The following CDH8 variants were observed in gnomAD, a reference collection of about 807,000 sequenced individuals.
CDH8 encodes the protein cadherin 8, also known as cadherin-8.
In CDH8, 17 loss-of-function variants were observed where a neutral mutation model predicts 68.1. That is an observed-to-expected ratio of 0.25 (90% confidence interval 0.17 to 0.37). The LOEUF is 0.37. CDH8 is among the 10% of genes least tolerant of loss of function. The pLI is 1.00. For missense variants in CDH8, 763 were observed against 999.3 expected (o/e 0.76, Z 3.19); for synonymous variants, 372 against 365.1 (o/e 1.02, Z -0.21).
intron 8 of CDH8, among the ~76,000 whole-genome samples, chr16:61,758,957 G>A (rs1304387214): frequency 1.3e-5 from 2 of 152,074 alleles, no homozygotes; most frequent in Non-Finnish European, 2.9e-5. Flanking sequence ...ACGCCATTGA[G>A]CAGTAGGATA....
chr16:61,759,855 A>T (rs575330761), intron 8 of CDH8, among the ~76,000 whole-genome samples: 1 of 152,228 alleles, frequency 6.6e-6, no homozygotes, highest in East Asian at 1.9e-4. Flanking sequence ...GGGCTCTCTT[A>T]CTGAATAAGT....
chr16:61,715,999 A>T (rs533630771), intron 9 of CDH8, among the ~76,000 whole-genome samples: 1 of 151,828 alleles, frequency 6.6e-6, no homozygotes, highest in East Asian at 1.9e-4. Context: ...CAAATGTAGC[A>T]GCTCCTTCTC....
At chr16:61,673,397 C>T (rs1963835829) in intron 10 of CDH8, among the ~76,000 whole-genome samples, 1 of 152,030 alleles carries the variant, frequency 6.6e-6, no homozygotes, top group Admixed American at 6.6e-5. Flanking sequence ...CATTAAAGAG[C>T]TTACTTCTTT....
At chr16:61,962,997 A>C (rs534980077) in intron 2 of CDH8, among the ~76,000 whole-genome samples, 9 of 152,274 alleles carry the variant, frequency 5.9e-5, no homozygotes, top group African/African-American at 9.6e-5. Flanking sequence ...ACTATGCACC[A>C]TTCCATGGAA....
chr16:61,727,722 A>G (rs952313480), intron 8 of CDH8, among the ~76,000 whole-genome samples: 1 of 151,106 alleles, frequency 6.6e-6, no homozygotes, highest in East Asian at 1.9e-4. Context: ...ATGAAATATC[A>G]TATATTTTAT....
At chr16:61,903,137 A>G (rs2143276649) in intron 2 of CDH8, among the ~76,000 whole-genome samples, 1 of 152,362 alleles carries the variant, frequency 6.6e-6, no homozygotes, top group Non-Finnish European at 1.5e-5. Flanking sequence ...TAATTAACAA[A>G]TAAACTATTA....
intron 1 of CDH8, 70 bp from the exon 2 acceptor site, chr16:62,021,672 C>CA (rs1902079357): frequency 1.2e-6 from 1 of 842,632 alleles, no homozygotes; most frequent in Non-Finnish European, 1.6e-6. Context: ...CACTGCTTTT[C>CA]AAAAGCACCT....
chr16:61,878,617 T>C (rs1396562741), intron 3 of CDH8, among the ~76,000 whole-genome samples: 1 of 152,174 alleles, frequency 6.6e-6, no homozygotes, highest in Non-Finnish European at 1.5e-5. Context: ...ATGATGATAA[T>C]GATGTTGATA....
intron 7 of CDH8, among the ~76,000 whole-genome samples, chr16:61,808,797 C>T (rs1050389747): frequency 6.6e-5 from 10 of 152,156 alleles, no homozygotes; most frequent in Admixed American, 2.6e-4. Context: ...TTGTAAAGAA[C>T]GTATTTTAGG....
chr16:61,674,402 C>T (rs911810957), intron 10 of CDH8, among the ~76,000 whole-genome samples: 6 of 150,266 alleles, frequency 4.0e-5, no homozygotes, highest in Admixed American at 6.7e-5. Flanking sequence ...TACAGTGAGC[C>T]GAGATCGTGC....
At chr16:61,780,577 T>A (rs986508514) in intron 8 of CDH8, among the ~76,000 whole-genome samples, 2 of 152,384 alleles carry the variant, frequency 1.3e-5, no homozygotes, top group East Asian at 3.9e-4. Flanking sequence ...CTGGAATGAC[T>A]ATTTCTTTAT....
intron 10 of CDH8, among the ~76,000 whole-genome samples, chr16:61,694,588 T>C (rs1411053315): frequency 6.6e-6 from 1 of 151,838 alleles, no homozygotes; most frequent in Admixed American, 6.6e-5. Context: ...TCATATGGGG[T>C]GATGAGGTTT....
chr16:62,012,017 T>C (rs111927306), intron 2 of CDH8, among the ~76,000 whole-genome samples: 19 of 152,326 alleles, frequency 1.2e-4, no homozygotes, highest in African/African-American at 4.6e-4. Context: ...AAGGTGTGTA[T>C]GTGCATGCAG....
At chr16:61,907,260 T>A (rs1289241654) in intron 2 of CDH8, among the ~76,000 whole-genome samples, 3 of 152,110 alleles carry the variant, frequency 2.0e-5, no homozygotes, top group African/African-American at 7.2e-5. Flanking sequence ...TAGAATAAGA[T>A]GAGGATTGGG....
At chr16:61,815,137 A>G (rs1365083420) in intron 7 of CDH8, among the ~76,000 whole-genome samples, 1 of 152,284 alleles carries the variant, frequency 6.6e-6, no homozygotes, top group African/African-American at 2.4e-5. Context: ...TGTGTCATCA[A>G]ATAGTGCTTT....
At chr16:61,836,719 T>C (rs559533020) in intron 4 of CDH8, among the ~76,000 whole-genome samples, 4 of 151,914 alleles carry the variant, frequency 2.6e-5, no homozygotes, top group Middle Eastern at 3.4e-3. Context: ...CCCCTCAGAG[T>C]AGGACTCAGG....
chr16:61,845,516 A>C (rs1050282520), intron 4 of CDH8, among the ~76,000 whole-genome samples: 2 of 151,656 alleles, frequency 1.3e-5, no homozygotes, highest in Non-Finnish European at 2.9e-5. Context: ...AAAAAAAAAA[A>C]AAAAAACTAT....
At chr16:61,943,504 A>G (rs1160057396) in intron 2 of CDH8, among the ~76,000 whole-genome samples, 2 of 152,206 alleles carry the variant, frequency 1.3e-5, no homozygotes, top group Non-Finnish European at 2.9e-5. Context: ...TCATGTCAAA[A>G]TAGTATGGAG....
chr16:61,975,721 G>T (rs1019667091), intron 2 of CDH8, among the ~76,000 whole-genome samples: 1 of 152,132 alleles, frequency 6.6e-6, no homozygotes, highest in African/African-American at 2.4e-5. Flanking sequence ...TAGTAGAAAA[G>T]ATAGATCTGA....
Sources: allele counts gnomAD v4.1 joint callset (sites outside exome capture counted in the v4.1 genomes callset), GRCh38; gene constraint gnomAD v4.1.1; transcripts MANE v1.5; gene names NCBI Gene and HGNC (gene_info 2026-07-23, HGNC 2026-07-21).